KCTD16: variants seen among roughly 807,000 people sequenced by gnomAD.
The protein encoded by KCTD16 is potassium channel tetramerization domain containing 16.
A neutral mutation model predicts 33.2 loss-of-function variants in KCTD16; 13 were observed. The observed-to-expected ratio is 0.39, with a 90% CI of 0.25 to 0.62. The LOEUF (loss-of-function observed/expected upper bound fraction) is 0.62. KCTD16 is among the 20% of genes least tolerant of loss of function. The pLI is 0.50. For missense variants in KCTD16, 441 were observed against 525.1 expected (o/e 0.84, Z 1.57); for synonymous variants, 197 against 195.3 (o/e 1.01, Z -0.07).
At chr5:144,337,548 T>C (rs1265565435) in intron 3 of KCTD16, among the ~76,000 whole-genome samples, 1 of 150,652 alleles carries the variant, frequency 6.6e-6, no homozygotes, top group Non-Finnish European at 1.5e-5. Context: ...ATTTACTTTT[T>C]ATGTGATGTA....
chr5:144,474,031 T>G lies in KCTD16; in HGVS notation c.1204T>G (p.Phe402Val), dbSNP rs1754541027. 1 of 1,613,844 alleles carries G rather than the reference T, an allele frequency of 6.2e-7. No individual in the cohort carries two copies. Among genetic ancestry groups the G allele is most frequent in the African/African-American group, 1.3e-5 (1 of 74,876 alleles). ...GGAGCTGGAGAAATGTATCCAGGAT[T>G]TCCTAAAAATCAAAATTCCAGATCG... ...EEELEKCIQD[F>V]LKIKIPDRFP... The change falls in exon 4 of 4, where the codon TTC becomes GTC. Residue 402 changes from phenylalanine to valine, a missense_variant. By Grantham distance (50) the Phe-to-Val change is conservative. Transcript: ENST00000512467.
Position 144,474,211 on chromosome 5 carries a change from A to G in KCTD16, c.*97A>G. On this transcript the variant is annotated 3_prime_UTR_variant, in exon 4 of 4. Transcript: ENST00000512467. The stretch of plus-strand genomic sequence containing the variant: ...TTAAAGGAAAAAAATACAACTAATG[A>G]TGCACATTTCTTAGAACACAATAGT... The G allele has an allele frequency of 8.6e-6, 8 of 931,138 alleles. No homozygotes were observed. The highest frequency in any genetic ancestry group is 1.3e-5 in the Non-Finnish European group (8 of 623,504). 57.7% of individuals were successfully genotyped at this position (931,138 alleles called of 1,614,324 possible).
chr5:144,370,516 A>T (rs1189289121), intron 3 of KCTD16, among the ~76,000 whole-genome samples: 2 of 152,220 alleles, frequency 1.3e-5, no homozygotes, highest in Non-Finnish European at 2.9e-5. Context: ...TGGTGCCAGA[A>T]GGGACCGGAT....
At chr5:144,431,378 T>C (rs1308560655) in intron 3 of KCTD16, among the ~76,000 whole-genome samples, 2 of 152,174 alleles carry the variant, frequency 1.3e-5, no homozygotes, top group Admixed American at 6.6e-5. Context: ...ACAAATACAA[T>C]GAGGTACTTG....
At chr5:144,251,471 A>G (rs1754699346) in intron 3 of KCTD16, among the ~76,000 whole-genome samples, 1 of 152,236 alleles carries the variant, frequency 6.6e-6, no homozygotes, top group Non-Finnish European at 1.5e-5. Context: ...AATGGTAACT[A>G]TTATTATCTG....
At chr5:144,196,342 C>A (rs952254531) in intron 2 of KCTD16, among the ~76,000 whole-genome samples, 1 of 152,210 alleles carries the variant, frequency 6.6e-6, no homozygotes, top group Admixed American at 6.5e-5. Context: ...CAGTCACTTC[C>A]ATTGGGCAGT....
chr5:144,342,080 A>T (rs1402942779), intron 3 of KCTD16, among the ~76,000 whole-genome samples: 2 of 152,146 alleles, frequency 1.3e-5, no homozygotes, highest in Non-Finnish European at 2.9e-5. Flanking sequence ...TTCCATATGA[A>T]CTTTAAAGTA....
intron 3 of KCTD16, among the ~76,000 whole-genome samples, chr5:144,464,091 A>G (rs1163467156): frequency 6.6e-6 from 1 of 152,214 alleles, no homozygotes; most frequent in African/African-American, 2.4e-5. Flanking sequence ...GTGAAATGAC[A>G]GCTCAATTTC....
At position 144,207,239 on chromosome 5, in the gene KCTD16, C is replaced by T; in HGVS notation, c.525C>T (p.Thr175=). 1 of 1,614,148 alleles carries T rather than the reference C, an allele frequency of 6.2e-7. No homozygotes were observed. The highest frequency in any genetic ancestry group is 8.5e-7 in the Non-Finnish European group (1 of 1,180,012). Residue 175 remains threonine (T), a synonymous_variant, in exon 3 of 4, where the codon ACC becomes ACT. Transcript: ENST00000512467. ...FITVGYRGSC[T]LGREGQADAK... ...CTGTGGGTTACAGAGGATCCTGCAC[C>T]TTGGGCAGAGAGGGACAGGCAGATG...
At chr5:144,203,516 C>G (rs1174138703) in intron 2 of KCTD16, among the ~76,000 whole-genome samples, 5 of 152,158 alleles carry the variant, frequency 3.3e-5, no homozygotes, top group Non-Finnish European at 7.3e-5. Context: ...CTGAACCTCT[C>G]TGTTCCTCAG....
rs34388071 is a variant in KCTD16, at chr5:144,413,787, A to C, written c.833-59873A>C. On this transcript the variant is annotated intron_variant, in intron 3 of 3. Coordinates refer to ENST00000512467, the MANE Select transcript of KCTD16 (RefSeq NM_020768.4). ...GGAATGAATACAAAGGGTATAACTT[A>C]CAAAAATCTCTGAGTACTTTCTTTT... is the stretch of plus-strand genomic sequence containing the variant. Among the ~76,000 whole-genome samples, 334 of 152,374 alleles carry C rather than the reference A, an allele frequency of 2.2e-3. 1 individual carries two copies. Among genetic ancestry groups the C allele is most frequent in the Non-Finnish European group, 3.8e-3 (258 of 68,034 alleles).
chr5:144,331,960 C>T (rs1020780572), intron 3 of KCTD16, among the ~76,000 whole-genome samples: 10 of 152,168 alleles, frequency 6.6e-5, no homozygotes, highest in African/African-American at 2.4e-4. Flanking sequence ...TTGTGACCCT[C>T]TTGACCATTG....
At chr5:144,367,326 A>C (rs975021774) in intron 3 of KCTD16, among the ~76,000 whole-genome samples, 1 of 152,174 alleles carries the variant, frequency 6.6e-6, no homozygotes, top group Non-Finnish European at 1.5e-5. Flanking sequence ...GAAAGAGTGA[A>C]GCAGGAGTGG....
chr5:144,462,483 T>G (rs1014473748), intron 3 of KCTD16, among the ~76,000 whole-genome samples: 5 of 151,018 alleles, frequency 3.3e-5, no homozygotes, highest in African/African-American at 4.9e-5. Context: ...ATTCTCTCCC[T>G]GGTTAAGATG....
chr5:144,310,606 T>G (rs192829501), intron 3 of KCTD16, among the ~76,000 whole-genome samples: 7 of 151,660 alleles, frequency 4.6e-5, no homozygotes, highest in Non-Finnish European at 8.8e-5. Flanking sequence ...ATATATATAT[T>G]TTTTGATCAA....
At chr5:144,415,523 A>G (rs1226057401) in intron 3 of KCTD16, among the ~76,000 whole-genome samples, 1 of 152,174 alleles carries the variant, frequency 6.6e-6, no homozygotes, top group Non-Finnish European at 1.5e-5. Context: ...TTATTGTTTT[A>G]AACAATTGGG....
intron 3 of KCTD16, among the ~76,000 whole-genome samples, chr5:144,323,156 A>C (rs1292332829): frequency 6.6e-6 from 1 of 152,182 alleles, no homozygotes; most frequent in African/African-American, 2.4e-5. Flanking sequence ...TGAGACTGAT[A>C]GTGTGAAATA....
intron 3 of KCTD16, among the ~76,000 whole-genome samples, chr5:144,223,739 A>G (rs997700022): frequency 2.0e-5 from 3 of 152,088 alleles, no homozygotes; most frequent in Admixed American, 6.6e-5. Flanking sequence ...GAGGAATTCC[A>G]TGATTTCATG....
intron 3 of KCTD16, among the ~76,000 whole-genome samples, chr5:144,348,246 T>C (rs1298135096): frequency 6.6e-6 from 1 of 152,228 alleles, no homozygotes; most frequent in East Asian, 1.9e-4. Flanking sequence ...GTGTTATCTG[T>C]CTACAGCACC....
Sources: allele counts gnomAD v4.1 joint callset (sites outside exome capture counted in the v4.1 genomes callset), GRCh38; gene constraint gnomAD v4.1.1; transcripts MANE v1.5; gene names NCBI Gene and HGNC (gene_info 2026-07-23, HGNC 2026-07-21).